LUZP1: variants seen among roughly 807,000 people sequenced by gnomAD.
LUZP1 encodes leucine zipper protein 1.
A neutral mutation model predicts 71.3 loss-of-function variants in LUZP1; 25 were observed. The ratio of observed to expected loss-of-function variants is 0.35; its 90% CI spans 0.26 to 0.49. The LOEUF (loss-of-function observed/expected upper bound fraction) is 0.49. Ranked by LOEUF, LUZP1 falls within the 20% of genes least tolerant of loss-of-function variation. The pLI is 0.99. For missense variants in LUZP1, 1,142 were observed against 1,300.8 expected (o/e 0.88, Z 1.88); for synonymous variants, 481 against 506.4 (o/e 0.95, Z 0.67).
At position 23,094,504 on chromosome 1, in the gene LUZP1, T is replaced by G; in HGVS notation, c.-119-124A>C. The stretch of plus-strand genomic sequence containing the variant: ...GGATCATAGCAGGGGCTCAAACCTG[T>G]TGAATGAATGACTTGAATAAACCTG... On this transcript the variant is annotated intron_variant, in intron 3 of 4. Transcript: ENST00000302291. This position sits in a 1 kb window ranked among gnomAD's most constrained non-coding sequence, Gnocchi z 4.7. 1 of 506,966 alleles carries G rather than the reference T, an allele frequency of 2.0e-6. No homozygotes were observed. The highest frequency in any genetic ancestry group is 4.1e-5 in the East Asian group (1 of 24,316). The allele number at this position is 506,966 out of a possible 1,614,324, so 31.4% of individuals were successfully genotyped here. A position where few individuals can be genotyped will look rare whatever the true frequency, so the allele number is the denominator to read the frequency against.
exon 4 of LUZP1, chr1:23,092,105 T>A (rs1643863622): frequency 6.2e-7 from 1 of 1,614,196 alleles, no homozygotes. Flanking sequence ...CTCTGACAGA[T>A]TTCACAGATT....
In LUZP1 at chr1:23,094,157, T is replaced by G. The variant is rs139445275; in HGVS notation, c.105A>C (p.Lys35Asn). 5.7e-4 allele frequency: 921 copies of G among 1,614,164 alleles called. 4 individuals are homozygous for G. The East Asian group carries it at 0.017, about 29-fold the overall frequency. ...GTTCATCCTCTGCTTTCTGGAGGTT[T>G]TTTGTGGCTTCCTCCAACTCATCAA... The change falls in exon 4 of 5, where the codon AAA becomes AAC. Residue 35 changes from lysine (K) to asparagine (N), a missense_variant. By Grantham distance (94) the Lys-to-Asn change is moderately conservative. Transcript: ENST00000302291. The surrounding 1 kb of genome is among the most constrained non-coding windows in gnomAD (Gnocchi z 4.7).
chr1:23,158,647 C>CAA lies in LUZP1; in HGVS notation c.-226+10117_-226+10118dup, dbSNP rs56919514. Among the ~76,000 whole-genome samples the CAA allele has an allele frequency of 3.2e-3, 191 of 59,898 alleles. 2 individuals carry two copies. Among genetic ancestry groups the CAA allele is most frequent in the African/African-American group, 4.3e-3 (79 of 18,212 alleles). The allele number at this position is 59,898 out of a possible 152,430, so 39.3% of individuals were successfully genotyped here. ...GAGTGGCAAGAGCAAGACTCTGTCTCAAAAAAAAAAAAAAAAAAAAAAAAA... is the reference window on the plus strand; with the variant it reads ...GAGTGGCAAGAGCAAGACTCTGTCTCAAAAAAAAAAAAAAAAAAAAAAAAAAA... On this transcript the variant is annotated intron_variant, in intron 2 of 4. Transcript: ENST00000302291.
chr1:23,116,732 T>C (rs2124654684), intron 2 of LUZP1, among the ~76,000 whole-genome samples: 1 of 152,298 alleles, frequency 6.6e-6, no homozygotes, highest in Non-Finnish European at 1.5e-5. Flanking sequence ...GAGGGTACTA[T>C]CCTAGCACTG....
chr1:23,150,016 T>C (rs1239411921), intron 2 of LUZP1, among the ~76,000 whole-genome samples: 3 of 85,380 alleles, frequency 3.5e-5, no homozygotes, highest in Admixed American at 2.0e-4. Flanking sequence ...AAGATGGCAA[T>C]AATTCAAAAA....
exon 5 of LUZP1, chr1:23,088,863 A>G (rs747014450): frequency 8.7e-6 from 14 of 1,605,686 alleles, no homozygotes; most frequent in African/African-American, 1.3e-5. Flanking sequence ...GAGAAGCAGG[A>G]GCAGAGGGCA....
intron 3 of LUZP1, among the ~76,000 whole-genome samples, chr1:23,096,204 A>G (rs1643891160): frequency 6.6e-6 from 1 of 152,188 alleles, no homozygotes; most frequent in Non-Finnish European, 1.5e-5. Context: ...TTAACTAAAT[A>G]CAACAGCTAG....
chr1:23,108,642 TCTA>T (rs1331490902), intron 3 of LUZP1, among the ~76,000 whole-genome samples: 4 of 152,194 alleles, frequency 2.6e-5, no homozygotes, highest in African/African-American at 9.6e-5. Flanking sequence ...GAAACCTAGT[TCTA>T]CTACTTGTGT....
chr1:23,103,721 G>GT (rs1643950026), intron 3 of LUZP1, among the ~76,000 whole-genome samples: 1 of 151,022 alleles, frequency 6.6e-6, no homozygotes, highest in Admixed American at 6.6e-5. Context: ...CAGAAGTGTA[G>GT]TTTTTTGTGT....
At chr1:23,136,293 TAAAC>T (rs1459104730) in intron 2 of LUZP1, among the ~76,000 whole-genome samples, 4 of 80,942 alleles carry the variant, frequency 4.9e-5, no homozygotes, top group Non-Finnish European at 7.0e-5. Flanking sequence ...GATTCCGTCT[TAAAC>T]ACACACACAC....
At chr1:23,084,974 G>A (rs543951252) in exon 5 of LUZP1, 3 of 152,802 alleles carry the variant, frequency 2.0e-5, no homozygotes, top group East Asian at 1.9e-4. Context: ...ATACGGAAAC[G>A]AGGGAGCTTT....
At position 23,092,080 on chromosome 1, in the gene LUZP1, T is replaced by A. The variant is rs200093429; in HGVS notation, c.2182A>T (p.Met728Leu). The change falls in exon 4 of 5, where the codon ATG becomes TTG. Residue 728 changes from methionine to leucine, a missense_variant. Physicochemically the swap from Met to Leu is conservative, Grantham distance 15. Transcript: ENST00000302291. ...GCACCATTGGTATCTGGGAGCTCCA[T>A]GGTATTGGTGGAGGCTCTGACAGAT... is the stretch of plus-strand genomic sequence containing the variant. 5.0e-6 allele frequency: 8 copies of A among 1,614,106 alleles called. No individual in the cohort carries two copies. The Admixed American group carries it at 8.3e-5, about 17-fold the overall frequency.
At chr1:23,138,663 T>TGTGTGTGTGTGTG (rs1553140068) in intron 2 of LUZP1, among the ~76,000 whole-genome samples, 1 of 125,610 alleles carries the variant, frequency 8.0e-6, no homozygotes, top group African/African-American at 3.1e-5. Flanking sequence ...GATTATGTGT[T>TGTGTGTGTGTGTG]TGTGTGTGTG....
Position 23,163,381 on chromosome 1 carries a change from T to C in LUZP1, c.-226+5385A>G, listed in dbSNP as rs542580968. 2.2e-5 allele frequency among the ~76,000 whole-genome samples: 3 copies of C among 138,558 alleles called. No individual in the cohort carries two copies. The South Asian group carries it at 6.8e-4, about 32-fold the overall frequency. The allele number at this position is 138,558 out of a possible 152,430, so 90.9% of individuals were successfully genotyped here. On this transcript the variant is annotated intron_variant, in intron 2 of 4. Transcript: ENST00000302291. ...GGGCAACAAAGCAAAACCCTATCTCTACAAAAAAAAAAAAAATGTTTCTTA... is the reference window on the plus strand; with the variant it reads ...GGGCAACAAAGCAAAACCCTATCTCCACAAAAAAAAAAAAAATGTTTCTTA...
intron 3 of LUZP1, among the ~76,000 whole-genome samples, chr1:23,095,036 G>A (rs1488732210): frequency 6.6e-6 from 1 of 152,168 alleles, no homozygotes; most frequent in African/African-American, 2.4e-5. Context: ...CCAACAGGCA[G>A]CTTCTACAAA....
chr1:23,089,794 CTT>C (rs1321018173), intron 4 of LUZP1, among the ~76,000 whole-genome samples: 21 of 150,484 alleles, frequency 1.4e-4, no homozygotes, highest in Admixed American at 1.1e-3. Flanking sequence ...TCATTTCACT[CTT>C]GTTGCCCAGG....
chr1:23,139,226 G>A (rs1644284544), intron 2 of LUZP1, among the ~76,000 whole-genome samples: 1 of 150,816 alleles, frequency 6.6e-6, no homozygotes, highest in Non-Finnish European at 1.5e-5. Flanking sequence ...AAAGCATCAA[G>A]GTCTCAATTC....
At chr1:23,133,937 T>C (rs1557667843) in intron 2 of LUZP1, among the ~76,000 whole-genome samples, 1 of 152,182 alleles carries the variant, frequency 6.6e-6, no homozygotes, top group Non-Finnish European at 1.5e-5. Flanking sequence ...ATCCGATTTA[T>C]GGGACATTAT....
At chr1:23,147,913 C>T (rs986713387) in intron 2 of LUZP1, among the ~76,000 whole-genome samples, 2 of 152,198 alleles carry the variant, frequency 1.3e-5, no homozygotes, top group African/African-American at 4.8e-5. Flanking sequence ...GCAAGCATCT[C>T]TTCTACCATT....
Sources: gnomAD v4.1 joint callset for allele counts (sites outside exome capture counted in the v4.1 genomes callset) on GRCh38, gnomAD v4.1.1 for gene constraint, Gnocchi (gnomAD v3.1) non-coding constraint, MANE v1.5 for transcripts, NCBI Gene and HGNC (gene_info 2026-07-23, HGNC 2026-07-21) for gene names.